SUGCT: variants seen among roughly 807,000 people sequenced by gnomAD.
SUGCT encodes succinyl-CoA:glutarate CoA-transferase.
Under a neutral mutation model 55.0 loss-of-function variants are expected in SUGCT, and 41 were observed. That is an observed-to-expected ratio of 0.74 (90% CI 0.58 to 0.97). The LOEUF is 0.97. Among genes scored for constraint, SUGCT ranks in the 50% least tolerant of loss-of-function variants. The probability of loss-of-function intolerance (pLI) is 0.00; values close to 1 mark genes in which losing one functional copy is unlikely to be tolerated. For missense variants in SUGCT, 568 were observed against 547.8 expected (o/e 1.04, Z -0.37); for synonymous variants, 187 against 200.4 (o/e 0.93, Z 0.56).
At chr7:40,380,873 A>T (rs188556212) in intron 9 of SUGCT, among the ~76,000 whole-genome samples, 2 of 152,194 alleles carry the variant, frequency 1.3e-5, no homozygotes, top group East Asian at 3.9e-4. Context: ...TTTCCTGTTT[A>T]CTGTCTTTTT....
intron 12 of SUGCT, among the ~76,000 whole-genome samples, chr7:40,573,854 T>C (rs186946097): frequency 9.5e-4 from 144 of 152,348 alleles, no homozygotes; most frequent in Non-Finnish European, 1.7e-3. Context: ...CTCTTTCCTC[T>C]ATAGCACACA....
intron 13 of SUGCT, among the ~76,000 whole-genome samples, chr7:40,837,772 C>T (rs1793066112): frequency 6.6e-6 from 1 of 152,018 alleles, no homozygotes; most frequent in Non-Finnish European, 1.5e-5. Flanking sequence ...CACCACCATG[C>T]CTGGCTAATT....
At chr7:40,171,816 G>A (rs1352894287) in intron 1 of SUGCT, among the ~76,000 whole-genome samples, 2 of 152,196 alleles carry the variant, frequency 1.3e-5, no homozygotes, top group Non-Finnish European at 2.9e-5. Flanking sequence ...TTCAGGCTAC[G>A]CCCTTGTTTA....
At chr7:40,901,755 TGGG>T in the SUGCT span, among the ~76,000 whole-genome samples, 1 of 152,158 alleles carries the variant, frequency 6.6e-6, no homozygotes. Context: ...TGGTTTCTCA[TGGG>T]GGATAAATTG....
intron 9 of SUGCT, among the ~76,000 whole-genome samples, chr7:40,353,611 A>C (rs571280430): frequency 1.3e-5 from 2 of 152,192 alleles, no homozygotes; most frequent in African/African-American, 2.4e-5. Context: ...TCTGTGCTTT[A>C]CATCTCATTT....
At chr7:40,260,836 G>T (rs1791176472) in intron 7 of SUGCT, among the ~76,000 whole-genome samples, 8 of 151,606 alleles carry the variant, frequency 5.3e-5, no homozygotes. Context: ...ATTTTCAGTT[G>T]GCCAGGCTGG....
chr7:40,249,313 C>CTATCTATATCTATATATCTATCTATATA (rs1324264789), intron 7 of SUGCT, among the ~76,000 whole-genome samples: 3 of 79,518 alleles, frequency 3.8e-5, no homozygotes, highest in African/African-American at 1.1e-4. Context: ...CACCAAAAAG[C>CTATCTATATCTATATATCTATCTATATA]TATATATATA....
the SUGCT span, among the ~76,000 whole-genome samples, chr7:41,020,336 A>T: frequency 6.6e-6 from 1 of 152,236 alleles, no homozygotes; most frequent in African/African-American, 2.4e-5. Context: ...CGCATTTTCT[A>T]CAAAGTATGG....
At chr7:40,253,780 A>G (rs1790606318) in intron 7 of SUGCT, among the ~76,000 whole-genome samples, 2 of 152,276 alleles carry the variant, frequency 1.3e-5, no homozygotes, top group Middle Eastern at 3.4e-3. Flanking sequence ...CTCAGCCTCC[A>G]AAAGTGCTGG....
At chr7:40,682,030 T>C (rs1430076337) in intron 12 of SUGCT, among the ~76,000 whole-genome samples, 3 of 152,222 alleles carry the variant, frequency 2.0e-5, no homozygotes, top group Non-Finnish European at 4.4e-5. Context: ...TTTGACTAAC[T>C]TCCTTGGCTG....
chr7:40,273,148 A>G (rs1301295245), intron 7 of SUGCT, among the ~76,000 whole-genome samples: 1 of 152,184 alleles, frequency 6.6e-6, no homozygotes, highest in South Asian at 2.1e-4. Context: ...ACAACTTTTG[A>G]CAATAATAAT....
chr7:40,935,673 A>T, the SUGCT span, among the ~76,000 whole-genome samples: 1 of 152,216 alleles, frequency 6.6e-6, no homozygotes, highest in African/African-American at 2.4e-5. Flanking sequence ...TGGTCCCAAT[A>T]ATTAACTATT....
chr7:40,469,136 C>CT (rs1307303864), intron 11 of SUGCT, among the ~76,000 whole-genome samples: 1 of 152,104 alleles, frequency 6.6e-6, no homozygotes, highest in East Asian at 1.9e-4. Context: ...GTTTAATATT[C>CT]TTTTTTCCAT....
intron 13 of SUGCT, among the ~76,000 whole-genome samples, chr7:40,753,544 TCTA>T (rs1438529569): frequency 6.6e-6 from 1 of 152,216 alleles, no homozygotes; most frequent in African/African-American, 2.4e-5. Flanking sequence ...TCCAAATTAT[TCTA>T]CTTATTTATA....
At chr7:40,977,810 C>G in the SUGCT span, among the ~76,000 whole-genome samples, 21 of 152,196 alleles carry the variant, frequency 1.4e-4, no homozygotes, top group Admixed American at 5.2e-4. Flanking sequence ...CTAGTAAATC[C>G]CTACCTGGGC....
intron 1 of SUGCT, among the ~76,000 whole-genome samples, chr7:40,170,965 A>G (rs773861334): frequency 1.3e-5 from 2 of 152,162 alleles, no homozygotes; most frequent in Non-Finnish European, 2.9e-5. Context: ...GGTGAGTTCT[A>G]GAGTTGGGCT....
chr7:40,810,749 C>T (rs1416187480), intron 13 of SUGCT, among the ~76,000 whole-genome samples: 1 of 152,096 alleles, frequency 6.6e-6, no homozygotes, highest in Admixed American at 6.6e-5. Context: ...TTTTGCTGTG[C>T]AGAAGCTCTT....
At chr7:40,672,543 G>T (rs1296064976) in intron 12 of SUGCT, among the ~76,000 whole-genome samples, 1 of 152,164 alleles carries the variant, frequency 6.6e-6, no homozygotes, top group African/African-American at 2.4e-5. Flanking sequence ...ATGAGTGGTT[G>T]CTAGGATTTA....
chr7:40,461,292 G>A (rs1789784004), intron 11 of SUGCT, among the ~76,000 whole-genome samples: 4 of 152,062 alleles, frequency 2.6e-5, no homozygotes. Context: ...TGTTTTTCCA[G>A]TATTCAAAAA....
Sources: gnomAD v4.1 joint callset for allele counts (sites outside exome capture counted in the v4.1 genomes callset) on GRCh38, gnomAD v4.1.1 for gene constraint, MANE v1.5 for transcripts, NCBI Gene and HGNC (gene_info 2026-07-23, HGNC 2026-07-21) for gene names.